The following OR8J3 variants were observed in gnomAD, a reference collection of about 807,000 sequenced individuals.
OR8J3 encodes olfactory receptor family 8 subfamily J member 3.
For synonymous variants in OR8J3, 170 were observed against 142.6 expected, an observed-to-expected ratio of 1.19 and a Z score of -1.37; for missense variants, 418 against 379.8, an observed-to-expected ratio of 1.10 and a Z score of -0.84.
rs2134685792 is a variant in OR8J3, at chr11:56,138,166, G to T, written c.-448C>A. The T allele has an allele frequency of 6.0e-6, 1 of 167,648 alleles. No individual in the cohort carries two copies. The highest frequency in any genetic ancestry group is 1.7e-4 in the South Asian group (1 of 6,060). 10.4% of individuals were successfully genotyped at this position (167,648 alleles called of 1,614,324 possible). On this transcript the variant is annotated 5_prime_UTR_variant, in exon 2 of 2. Coordinates refer to ENST00000642058, the MANE Select transcript of OR8J3 (RefSeq NM_001004064.2). ...TCTGATAATTCTTCCTTTGCCTCAAGACTAGGTACTATACTCTTCATTTTA... is the reference window on the plus strand; with the variant it reads ...TCTGATAATTCTTCCTTTGCCTCAATACTAGGTACTATACTCTTCATTTTA...
rs768687027 is a variant in OR8J3 at position 56,137,215 on chromosome 11, A to T, written c.504T>A (p.Tyr168Ter). The T allele has an allele frequency of 2.8e-5, 45 of 1,614,006 alleles. No individual in the cohort carries two copies. Among genetic ancestry groups the T allele is most frequent in the Non-Finnish European group, 3.8e-5 (45 of 1,179,962 alleles). Residue 168 changes from tyrosine (Y) to a stop codon, truncating the protein, a stop_gained, in exon 2 of 2, where the codon TAT becomes TAA. Transcript: ENST00000642058. LOFTEE classifies it low-confidence loss of function (END_TRUNC). The part of the protein sequence containing the change: ...VVSPCIFSVS[Y>*]CSSNIINHFY... ...AATGATTGATTATATTAGAAGAGCA[A>T]TAAGACACAGAGAATATACAAGGTG... is the stretch of plus-strand genomic sequence containing the variant.
chr11:56,137,449 TTTC>T lies in OR8J3; in HGVS notation c.267_269del (p.Lys90del). 1.9e-6 allele frequency: 3 copies of T among 1,614,222 alleles called. No homozygotes were observed. The highest frequency in any genetic ancestry group is 2.5e-6 in the Non-Finnish European group (3 of 1,180,046). ...TGGCACATTCATAGAATGAGGTAGT[TTTC>T]TTCTTTACTAAAAAGTTCATCAGCA... On this transcript the variant is annotated inframe_deletion, in exon 2 of 2. Coordinates refer to ENST00000642058, the MANE Select transcript of OR8J3 (RefSeq NM_001004064.2).
At position 56,137,415 on chromosome 11, in the gene OR8J3, C is replaced by T. The variant is rs1218309565; in HGVS notation, c.304G>A (p.Gly102Arg). The stretch of plus-strand genomic sequence containing the variant: ...GATACAATAAAGAACAAGAACCCTC[C>T]CAGTTGGGTGGCACATTCATAGAAT... ...TSFYECATQLGGFLFFIVSEV... is the reference protein window; with the variant it reads ...TSFYECATQLRGFLFFIVSEV... The change falls in exon 2 of 2, where the codon GGA becomes AGA. Residue 102 changes from glycine (G) to arginine (R), a missense_variant. Coordinates refer to ENST00000642058, the MANE Select transcript of OR8J3 (RefSeq NM_001004064.2). 10 of 1,613,972 alleles carry T rather than the reference C, an allele frequency of 6.2e-6. No individual in the cohort carries two copies. Among genetic ancestry groups the T allele is most frequent in the African/African-American group, 2.7e-5 (2 of 74,890 alleles).
chr11:56,138,349 C>G lies in OR8J3; in HGVS notation c.-631G>C, dbSNP rs1854356104. On this transcript the variant is annotated 5_prime_UTR_variant, in exon 2 of 2. Transcript: ENST00000642058. ...ATCTATTTTTCAGGTAGCTGTTTCT[C>G]TTCTTAGGTTTCCATAAATAATATC... The G allele has an allele frequency of 2.0e-5, 3 of 152,034 alleles. No homozygotes were observed. The South Asian group carries it at 6.2e-4, about 32-fold the overall frequency. 9.4% of individuals were successfully genotyped at this position (152,034 alleles called of 1,614,324 possible).
At position 56,135,192 on chromosome 11, in the gene OR8J3, A is replaced by G. The variant is rs1854318452; in HGVS notation, c.*1579T>C. ...GGTGGAACAAATTTTGTTATTAAAC[A>G]TGTGGTTATATTATTCCATTGTTCA... On this transcript the variant is annotated 3_prime_UTR_variant, in exon 2 of 2. Transcript: ENST00000642058. The G allele has an allele frequency of 1.3e-5, 2 of 152,028 alleles. No homozygotes were observed. The highest frequency in any genetic ancestry group is 4.1e-4 in the South Asian group (2 of 4,832). The allele number at this position is 152,028 out of a possible 1,614,324, so 9.4% of individuals were successfully genotyped here. A position where few individuals can be genotyped will look rare whatever the true frequency, so the allele number is the denominator to read the frequency against.
At chr11:56,138,862 T>C in intron 1 of OR8J3, among the ~76,000 whole-genome samples, 1 of 152,200 alleles carries the variant, frequency 6.6e-6, no homozygotes, top group East Asian at 1.9e-4. Context: ...TTAATTCAAT[T>C]TTTTGTTTAT....
In OR8J3 at chr11:56,137,353, G is replaced by A. The variant is rs533978590; in HGVS notation, c.366C>T (p.Arg122=). 6 of 1,614,028 alleles carry A rather than the reference G, an allele frequency of 3.7e-6. No homozygotes were observed. The African/African-American group carries it at 6.7e-5, about 18-fold the overall frequency. The change falls in exon 2 of 2, where the codon CGC becomes CGT. Residue 122 remains arginine, a synonymous_variant. Transcript: ENST00000642058. ...GCAGAGGGTTACAAATGGCCACATA[G>A]CGGTCATAGGCCATCACAGCCAGCA... ...VMMLAVMAYD[R]YVAICNPLLY...
In OR8J3 at chr11:56,136,914, C is replaced by G. The variant is rs759720415; in HGVS notation, c.805G>C (p.Asp269His). 3.1e-6 allele frequency: 5 copies of G among 1,614,082 alleles called. No homozygotes were observed. Among genetic ancestry groups the G allele is most frequent in the Non-Finnish European group, 4.2e-6 (5 of 1,179,986 alleles). ...AACACAGAAGCCATCTTATCAGTATCCAGTGAGTGGTTGGTTTGGGGCTGC... is the reference window on the plus strand; with the variant it reads ...AACACAGAAGCCATCTTATCAGTATGCAGTGAGTGGTTGGTTTGGGGCTGC... ...YLQPQTNHSL[D>H]TDKMASVFYT... is the part of the protein sequence containing the mutation. The change falls in exon 2 of 2, where the codon GAT becomes CAT. Residue 269 changes from aspartate (D) to histidine (H), a missense_variant. Transcript: ENST00000642058.
intron 1 of OR8J3, among the ~76,000 whole-genome samples, chr11:56,139,542 T>C (rs922353230): frequency 1.3e-5 from 2 of 152,166 alleles, no homozygotes; most frequent in Non-Finnish European, 2.9e-5. Context: ...TTCAGATAAA[T>C]TACCTGACCC....
rs772497322 is a variant in OR8J3, at chr11:56,137,057, A to G, written c.662T>C (p.Ile221Thr). The G allele has an allele frequency of 1.9e-6, 3 of 1,613,962 alleles. No homozygotes were observed. The highest frequency in any genetic ancestry group is 2.2e-5 in the East Asian group (1 of 44,874). Residue 221 changes from isoleucine (I) to threonine (T), a missense_variant, in exon 2 of 2, where the codon ATT becomes ACT. By Grantham distance (89) the Ile-to-Thr change is moderately conservative. Transcript: ENST00000642058. ...MITVLVSYFN[I>T]VLSILRIRSP... ...ACGTATCCTTAGAATGGACAAAACA[A>G]TATTGAAATAAGATACTAGAACTGT...
chr11:56,139,465 T>A (rs936524554), intron 1 of OR8J3, among the ~76,000 whole-genome samples: 42 of 152,216 alleles, frequency 2.8e-4, no homozygotes, highest in African/African-American at 1.0e-3. Flanking sequence ...CTGTGGGTTC[T>A]GTGAATTATC....
Position 56,137,462 on chromosome 11 carries a change from A to G in OR8J3, c.257T>C (p.Leu86Ser), listed in dbSNP as rs1854345190. Residue 86 changes from leucine to serine, a missense_variant, in exon 2 of 2, where the codon TTA becomes TCA. Leu to Ser is a moderately radical substitution (Grantham distance 145). Transcript: ENST00000642058. The stretch of plus-strand genomic sequence containing the variant: ...GAATGAGGTAGTTTTCTTCTTTACT[A>G]AAAAGTTCATCAGCATTTTAGGGGC... The part of the protein sequence containing the change: ...VIAPKMLMNF[L>S]VKKKTTSFYE... The G allele has an allele frequency of 1.2e-6, 2 of 1,614,244 alleles. No homozygotes were observed. The highest frequency in any genetic ancestry group is 1.7e-6 in the Non-Finnish European group (2 of 1,180,032).
At position 56,137,548 on chromosome 11, in the gene OR8J3, G is replaced by T; in HGVS notation, c.171C>A (p.Asn57Lys). Residue 57 changes from asparagine (N) to lysine (K), a missense_variant, in exon 2 of 2, where the codon AAC becomes AAA. Asn to Lys is a moderately conservative substitution (Grantham distance 94). Transcript: ENST00000642058. ...GATGTCTCAGGAAAAAGTACATGGG[G>T]TTTTGAAGTCGAGAGTCAACACTGG... ...TLTSVDSRLQ[N>K]PMYFFLRHLA... 1 of 1,614,208 alleles carries T rather than the reference G, an allele frequency of 6.2e-7. No individual in the cohort carries two copies. Among genetic ancestry groups the T allele is most frequent in the East Asian group, 2.2e-5 (1 of 44,878 alleles).
In OR8J3 at chr11:56,136,671, C is replaced by A. The variant is rs1854332454; in HGVS notation, c.*100G>T. The A allele has an allele frequency of 1.7e-6, 1 of 598,974 alleles. No homozygotes were observed. The highest frequency in any genetic ancestry group is 1.9e-5 in the African/African-American group (1 of 52,544). The allele number at this position is 598,974 out of a possible 1,614,324, so 37.1% of individuals were successfully genotyped here. On this transcript the variant is annotated 3_prime_UTR_variant, in exon 2 of 2. Coordinates refer to ENST00000642058, the MANE Select transcript of OR8J3 (RefSeq NM_001004064.2). ...ATTCAATGATCTTTAAATCTTACCT[C>A]TTGGTAATTCTTAGGATTGCTTGTA...
chr11:56,135,947 CTA>C lies in OR8J3; in HGVS notation c.*822_*823del, dbSNP rs1854326249. 6.6e-6 allele frequency: 1 copy of C among 151,776 alleles called. No homozygotes were observed. The highest frequency in any genetic ancestry group is 2.1e-4 in the South Asian group (1 of 4,824). 9.4% of individuals were successfully genotyped at this position (151,776 alleles called of 1,614,324 possible). On this transcript the variant is annotated 3_prime_UTR_variant, in exon 2 of 2. Coordinates refer to ENST00000642058, the MANE Select transcript of OR8J3 (RefSeq NM_001004064.2). ...TAAGTGTACACTTACTGATCAAAAA[CTA>C]TCAGAAAAAAAGAACAAAAATTCAA...
At position 56,136,736 on chromosome 11, in the gene OR8J3, G is replaced by T; in HGVS notation, c.*35C>A. ...TCTCTTACATAATGGCAGGTTACAT[G>T]AACTATCTCTTCATTTATTTATAGA... On this transcript the variant is annotated 3_prime_UTR_variant, in exon 2 of 2. Coordinates refer to ENST00000642058, the MANE Select transcript of OR8J3 (RefSeq NM_001004064.2). 1 of 1,201,908 alleles carries T rather than the reference G, an allele frequency of 8.3e-7. No individual in the cohort carries two copies. The highest frequency in any genetic ancestry group is 1.2e-6 in the Non-Finnish European group (1 of 855,914). 74.5% of individuals were successfully genotyped at this position (1,201,908 alleles called of 1,614,324 possible).
At position 56,137,764 on chromosome 11, in the gene OR8J3, T is replaced by C. The variant is rs981180444; in HGVS notation, c.-46A>G. ...CTGTTTGAGGAAGAAAATAAGTGGT[T>C]ATAGACGTTAAGGAATCATTTTCTA... On this transcript the variant is annotated 5_prime_UTR_variant, in exon 2 of 2. The change creates a new upstream start codon in the 5' untranslated region. Transcript: ENST00000642058. 1 of 1,475,342 alleles carries C rather than the reference T, an allele frequency of 6.8e-7. No individual in the cohort carries two copies. Among genetic ancestry groups the C allele is most frequent in the Non-Finnish European group, 9.2e-7 (1 of 1,087,300 alleles). The allele number at this position is 1,475,342 out of a possible 1,614,324, so 91.4% of individuals were successfully genotyped here. A position where few individuals can be genotyped will look rare whatever the true frequency, so the allele number is the denominator to read the frequency against.
At chr11:56,139,622 T>C (rs1854370165) in intron 1 of OR8J3, among the ~76,000 whole-genome samples, 2 of 152,156 alleles carry the variant, frequency 1.3e-5, no homozygotes, top group African/African-American at 4.8e-5. Context: ...ATAAACACAA[T>C]AATTGCAGAT....
At position 56,137,739 on chromosome 11, in the gene OR8J3, C is replaced by G; in HGVS notation, c.-21G>C. ...GCCATGTCAGAGTTTGGAAATTCAT[C>G]TGTTTGAGGAAGAAAATAAGTGGTT... On this transcript the variant is annotated 5_prime_UTR_variant, in exon 2 of 2. Coordinates refer to ENST00000642058, the MANE Select transcript of OR8J3 (RefSeq NM_001004064.2). 6 of 1,570,162 alleles carry G rather than the reference C, an allele frequency of 3.8e-6. No individual in the cohort carries two copies. Among genetic ancestry groups the G allele is most frequent in the Non-Finnish European group, 4.3e-6 (5 of 1,157,414 alleles).
Sources: gnomAD v4.1 joint callset for allele counts (sites outside exome capture counted in the v4.1 genomes callset) on GRCh38, gnomAD v4.1.1 for gene constraint, MANE v1.5 for transcripts, NCBI Gene and HGNC (gene_info 2026-07-23, HGNC 2026-07-21) for gene names.